Variants in EBF2 observed in about 807,000 individuals in gnomAD.
EBF2 encodes the protein transcription factor COE2.
A neutral mutation model predicts 72.8 loss-of-function variants in EBF2; 21 were observed. That is an observed-to-expected ratio of 0.29 (90% confidence interval 0.20 to 0.42). EBF2 has a LOEUF of 0.42. EBF2 is among the 10% of genes least tolerant of loss of function. The probability of loss-of-function intolerance (pLI) is 1.00; values close to 1 mark genes in which losing one functional copy is unlikely to be tolerated. For synonymous variants in EBF2, 299 were observed against 274.2 expected (o/e 1.09, Z -0.89); for missense variants, 637 against 731.2 (o/e 0.87, Z 1.49).
intron 14 of EBF2, 117 bp from the exon 15 acceptor site, chr8:25,850,878 A>T: frequency 8.3e-7 from 1 of 1,205,702 alleles, no homozygotes; most frequent in Non-Finnish European, 1.1e-6. Flanking sequence ...GATTGCAGGG[A>T]TTAAAAAAAA....
intron 1 of EBF2, among the ~76,000 whole-genome samples, chr8:26,043,291 C>G (rs529565893): frequency 6.6e-6 from 1 of 152,394 alleles, no homozygotes; most frequent in Non-Finnish European, 1.5e-5. Context: ...CAGGTTGAAC[C>G]CCGGTGCGCA....
chr8:26,006,444 T>G (rs1032070498), intron 6 of EBF2, among the ~76,000 whole-genome samples: 7 of 152,226 alleles, frequency 4.6e-5, no homozygotes, highest in African/African-American at 1.7e-4. Flanking sequence ...CATTCTTCTC[T>G]TACGAAATAG....
intron 15 of EBF2, among the ~76,000 whole-genome samples, chr8:25,850,134 T>C (rs1349612658): frequency 6.6e-6 from 1 of 152,210 alleles, no homozygotes; most frequent in South Asian, 2.1e-4. Context: ...TTTTTTGAGA[T>C]GGAGTTTTGC....
In EBF2 at chr8:25,938,464, C is replaced by T. The variant is rs144722246; in HGVS notation, c.552-29909G>A. ...GTTAAAATTCTTCCTTCATTTACAG[C>T]CAATATAGAAGACAAATACCTTAAC... is the stretch of plus-strand genomic sequence containing the variant. On this transcript the variant is annotated intron_variant, in intron 6 of 15. Coordinates refer to ENST00000520164, the MANE Select transcript of EBF2 (RefSeq NM_022659.4). 2.5e-3 allele frequency among the ~76,000 whole-genome samples: 386 copies of T among 151,394 alleles called. 2 individuals are homozygous for T. The highest frequency in any genetic ancestry group is 9.0e-3 in the African/African-American group (370 of 41,258).
intron 6 of EBF2, among the ~76,000 whole-genome samples, chr8:26,013,073 T>C (rs1177384559): frequency 6.6e-6 from 1 of 151,990 alleles, no homozygotes; most frequent in Non-Finnish European, 1.5e-5. Context: ...AGGAAGAAAA[T>C]TAAGTCTGGA....
intron 7 of EBF2, among the ~76,000 whole-genome samples, chr8:25,894,344 A>C (rs957275755): frequency 2.0e-5 from 3 of 152,212 alleles, no homozygotes; most frequent in Non-Finnish European, 2.9e-5. Context: ...ATATTCGTCT[A>C]TTTGGAGAAG....
At chr8:25,893,822 T>C (rs544810385) in intron 7 of EBF2, among the ~76,000 whole-genome samples, 26 of 152,332 alleles carry the variant, frequency 1.7e-4, no homozygotes, top group African/African-American at 4.8e-4. Context: ...AAAGTGAACA[T>C]TTCCCGAATG....
chr8:26,031,392 AG>A (rs1805400724), intron 6 of EBF2: 1 of 151,752 alleles, frequency 6.6e-6, no homozygotes, highest in Non-Finnish European at 1.5e-5. Context: ...TCTGGAAGTA[AG>A]GACAGTTCTG....
intron 10 of EBF2, among the ~76,000 whole-genome samples, chr8:25,864,627 C>A (rs1438179519): frequency 6.6e-6 from 1 of 152,076 alleles, no homozygotes. Context: ...ACCTTTGCCA[C>A]AACTTAACTG....
chr8:25,873,715 A>G (rs894153878), intron 10 of EBF2, among the ~76,000 whole-genome samples: 2 of 152,178 alleles, frequency 1.3e-5, no homozygotes, highest in African/African-American at 4.8e-5. Context: ...AGCAAGACAG[A>G]TTGTTTGAAG....
At chr8:25,872,978 TGTTCATTCCCACAA>T (rs1802466096) in intron 10 of EBF2, among the ~76,000 whole-genome samples, 1 of 152,210 alleles carries the variant, frequency 6.6e-6, no homozygotes, top group South Asian at 2.1e-4. Flanking sequence ...TCTTCCCACA[TGTTCATTCCCACAA>T]AGTCTGTCTT....
intron 13 of EBF2, among the ~76,000 whole-genome samples, chr8:25,859,748 ACT>A (rs1456576400): frequency 6.8e-6 from 1 of 147,680 alleles, no homozygotes; most frequent in African/African-American, 2.6e-5. Context: ...ACAAGATCTC[ACT>A]CTGTTGCCCT....
intron 6 of EBF2, among the ~76,000 whole-genome samples, chr8:25,943,169 A>C (rs923781624): frequency 6.6e-6 from 1 of 152,098 alleles, no homozygotes; most frequent in African/African-American, 2.4e-5. Context: ...TAGTTGAAAC[A>C]TCTCATTTAA....
chr8:25,941,804 C>T (rs1419104723), intron 6 of EBF2, among the ~76,000 whole-genome samples: 2 of 152,210 alleles, frequency 1.3e-5, no homozygotes, highest in Non-Finnish European at 2.9e-5. Context: ...ATAAAACCTC[C>T]TGCTCTCGCT....
chr8:25,975,991 G>A (rs117625883), intron 6 of EBF2, among the ~76,000 whole-genome samples: 2 of 152,014 alleles, frequency 1.3e-5, no homozygotes, highest in Non-Finnish European at 2.9e-5. Context: ...GAACTTCTTC[G>A]ATAGGATTCA....
intron 2 of EBF2, chr8:26,041,440 A>ACG (rs1805599540): frequency 5.1e-6 from 1 of 196,890 alleles, no homozygotes; most frequent in Non-Finnish European, 1.0e-5. Context: ...ACGCAGGGCC[A>ACG]CGAGCTCAGG....
chr8:25,886,211 C>A (rs1413454389), intron 10 of EBF2, among the ~76,000 whole-genome samples: 1 of 152,192 alleles, frequency 6.6e-6, no homozygotes, highest in African/African-American at 2.4e-5. Flanking sequence ...TTGCAATATA[C>A]CGTTGTCTCC....
intron 6 of EBF2, among the ~76,000 whole-genome samples, chr8:25,937,920 C>A (rs966608995): frequency 1.1e-4 from 17 of 151,980 alleles, no homozygotes; most frequent in Admixed American, 1.1e-3. Flanking sequence ...ATTTTCCACC[C>A]AAGTTCGCTT....
At chr8:25,892,826 G>A (rs1251189743) in intron 7 of EBF2, among the ~76,000 whole-genome samples, 1 of 152,198 alleles carries the variant, frequency 6.6e-6, no homozygotes, top group African/African-American at 2.4e-5. Flanking sequence ...AACCTCAGTT[G>A]TCATTCAGAA....
Sources: gnomAD v4.1 joint callset for allele counts (sites outside exome capture counted in the v4.1 genomes callset) on GRCh38, gnomAD v4.1.1 for gene constraint, MANE v1.5 for transcripts, NCBI Gene and HGNC (gene_info 2026-07-23, HGNC 2026-07-21) for gene names.